The following SAXO1 variants were observed in gnomAD, a reference collection of about 807,000 sequenced individuals.
SAXO1 encodes the protein 4930500O09Rik.
A neutral mutation model predicts 17.5 loss-of-function variants in SAXO1; 21 were observed. The observed-to-expected ratio is 1.20, with a 90% CI of 0.85 to 1.72. The LOEUF (loss-of-function observed/expected upper bound fraction) is 1.72, where lower values mean the gene tolerates loss of function less well. Ranked by LOEUF, SAXO1 falls within the 40% of genes most tolerant of loss-of-function variation. The pLI is 0.00. For synonymous variants in SAXO1, 274 were observed against 216.5 expected (o/e 1.27, Z -2.33); for missense variants, 843 against 596.0 (o/e 1.41, Z -4.32).
intron 1 of SAXO1, among the ~76,000 whole-genome samples, chr9:19,042,721 G>A (rs1018307674): frequency 6.6e-6 from 1 of 152,180 alleles, no homozygotes; most frequent in African/African-American, 2.4e-5. Context: ...AATTAGCCAG[G>A]CATGGTGGTG....
chr9:19,013,101 C>A (rs1834819866), intron 1 of SAXO1, among the ~76,000 whole-genome samples: 1 of 152,068 alleles, frequency 6.6e-6, no homozygotes, highest in African/African-American at 2.4e-5. Flanking sequence ...TCAAACTGGC[C>A]TTCCAGATAG....
intron 1 of SAXO1, among the ~76,000 whole-genome samples, chr9:19,022,258 A>C (rs1835271007): frequency 6.6e-6 from 1 of 152,220 alleles, no homozygotes; most frequent in Non-Finnish European, 1.5e-5. Context: ...GGAAGGAAGA[A>C]ACTCTGGACA....
chr9:19,040,934 TA>T (rs1223005494), intron 1 of SAXO1, among the ~76,000 whole-genome samples: 2 of 151,220 alleles, frequency 1.3e-5, no homozygotes, highest in Admixed American at 6.6e-5. Flanking sequence ...AATAAAGCAT[TA>T]AAAAAATCTT....
intron 1 of SAXO1, among the ~76,000 whole-genome samples, chr9:19,043,568 A>C (rs1836130623): frequency 6.6e-6 from 1 of 152,154 alleles, no homozygotes; most frequent in South Asian, 2.1e-4. Context: ...GGAATTCAAG[A>C]GCAATCTGGG....
intron 3 of SAXO1, among the ~76,000 whole-genome samples, chr9:18,934,163 T>C (rs1032867632): frequency 7.9e-5 from 12 of 152,248 alleles, no homozygotes; most frequent in African/African-American, 2.9e-4. Flanking sequence ...ATGTTATGAA[T>C]AGATGTGGAT....
chr9:19,028,297 G>C (rs548357241), intron 1 of SAXO1, among the ~76,000 whole-genome samples: 15 of 152,244 alleles, frequency 9.9e-5, no homozygotes, highest in African/African-American at 3.6e-4. Context: ...AATCGCTTGA[G>C]CCCGGGAGGC....
intron 1 of SAXO1, among the ~76,000 whole-genome samples, chr9:19,024,754 T>C (rs1028248851): frequency 3.4e-4 from 51 of 152,196 alleles, no homozygotes; most frequent in African/African-American, 1.2e-3. Context: ...ACTTGTTTTA[T>C]TGGTCTCATT....
intron 3 of SAXO1, among the ~76,000 whole-genome samples, chr9:18,929,762 C>G (rs375084866): frequency 6.6e-6 from 1 of 152,170 alleles, no homozygotes; most frequent in African/African-American, 2.4e-5. Context: ...GATGCAGAAA[C>G]AGATATACAG....
chr9:19,022,584 T>C (rs1197878850), intron 1 of SAXO1, among the ~76,000 whole-genome samples: 1 of 152,204 alleles, frequency 6.6e-6, no homozygotes, highest in Non-Finnish European at 1.5e-5. Flanking sequence ...TGGACCATTA[T>C]GGGGAAAGAT....
upstream of SAXO1, among the ~76,000 whole-genome samples, chr9:19,033,689 G>A (rs1835861882): frequency 6.6e-6 from 1 of 152,186 alleles, no homozygotes; most frequent in South Asian, 2.1e-4. Flanking sequence ...TGCTCAGGTG[G>A]GTTCTCAATC....
chr9:18,985,147 C>T (rs1833544117), intron 1 of SAXO1, among the ~76,000 whole-genome samples: 1 of 150,414 alleles, frequency 6.6e-6, no homozygotes, highest in South Asian at 2.1e-4. Flanking sequence ...GCGAGAATGG[C>T]CGATTGGTGG....
chr9:19,021,760 C>G (rs1835242566), intron 1 of SAXO1, among the ~76,000 whole-genome samples: 1 of 152,224 alleles, frequency 6.6e-6, no homozygotes. Flanking sequence ...ATGCACCAAT[C>G]AGCACTCTGT....
intron 3 of SAXO1, among the ~76,000 whole-genome samples, chr9:18,938,817 CGTGCGTGT>C (rs1465792528): frequency 3.2e-5 from 2 of 63,322 alleles, no homozygotes; most frequent in Non-Finnish European, 6.6e-5. Context: ...TGCATGCGTG[CGTGCGTGT>C]GTGTGTGTGT....
At chr9:19,040,644 C>CAAAAAAAGAAGAA (rs1836057330) in intron 1 of SAXO1, among the ~76,000 whole-genome samples, 1 of 146,002 alleles carries the variant, frequency 6.8e-6, no homozygotes, top group African/African-American at 2.5e-5. Flanking sequence ...ATTCTTTCTC[C>CAAAAAAAGAAGAA]AAAAAAAGAA....
intron 1 of SAXO1, among the ~76,000 whole-genome samples, chr9:19,002,002 G>C (rs113006615): frequency 0.11 from 16,167 of 152,080 alleles, 1,346 homozygotes; most frequent in African/African-American, 0.24. Flanking sequence ...CCACTAGCCA[G>C]ACTAATAAAG....
chr9:18,997,044 A>C (rs995279066), intron 1 of SAXO1, among the ~76,000 whole-genome samples: 20 of 152,058 alleles, frequency 1.3e-4, no homozygotes, highest in African/African-American at 4.8e-4. Flanking sequence ...AAGATGGGTG[A>C]TTTCTGCATT....
chr9:19,033,704 C>G (rs1835862341), upstream of SAXO1, among the ~76,000 whole-genome samples: 1 of 152,242 alleles, frequency 6.6e-6, no homozygotes, highest in Non-Finnish European at 1.5e-5. Context: ...TCAATCACTT[C>G]TCCAGATGCT....
At chr9:18,959,897 C>T (rs1290583218) in intron 1 of SAXO1, among the ~76,000 whole-genome samples, 1 of 152,172 alleles carries the variant, frequency 6.6e-6, no homozygotes, top group Non-Finnish European at 1.5e-5. Flanking sequence ...CTGCTGGACA[C>T]AGCTGGCCCA....
rs56858815 is a variant in SAXO1 at position 18,946,279 on chromosome 9, C to CAAAA, written c.219-4444_219-4441dup. 1.1e-3 allele frequency among the ~76,000 whole-genome samples: 38 copies of CAAAA among 34,480 alleles called. 3 individuals carry two copies. The highest frequency in any genetic ancestry group is 2.0e-3 in the African/African-American group (26 of 12,842). The allele number at this position is 34,480 out of a possible 152,430, so 22.6% of individuals were successfully genotyped here. A position where few individuals can be genotyped will look rare whatever the true frequency, so the allele number is the denominator to read the frequency against. ...CAACAAGAGCAAAACTTCATCTCAC[C>CAAAA]AAAAAAAAAAAAAAAAAAAAAAAAA... On this transcript the variant is annotated intron_variant, in intron 2 of 3. Coordinates refer to ENST00000380534, the MANE Select transcript of SAXO1 (RefSeq NM_153707.4).
Sources: allele counts gnomAD v4.1 joint callset (sites outside exome capture counted in the v4.1 genomes callset), GRCh38; gene constraint gnomAD v4.1.1; transcripts MANE v1.5; gene names NCBI Gene and HGNC (gene_info 2026-07-23, HGNC 2026-07-21).